CNTNAP5: variants seen among roughly 807,000 people sequenced by gnomAD.
The protein encoded by CNTNAP5 is contactin associated protein family member 5.
In CNTNAP5, 72 loss-of-function variants were observed where a neutral mutation model predicts 150.2. The ratio of observed to expected loss-of-function variants is 0.48; its 90% confidence interval spans 0.40 to 0.58. The LOEUF (loss-of-function observed/expected upper bound fraction) is 0.58. Among genes scored for constraint, CNTNAP5 ranks in the 20% least tolerant of loss-of-function variants. CNTNAP5 has a pLI of 0.00. For synonymous variants in CNTNAP5, 672 were observed against 619.8 expected, an observed-to-expected ratio of 1.08 and a Z score of -1.25; for missense variants, 1,636 against 1,626.2, an observed-to-expected ratio of 1.01 and a Z score of -0.10.
intron 11 of CNTNAP5, among the ~76,000 whole-genome samples, chr2:124,575,474 G>A (rs1696262306): frequency 6.6e-6 from 1 of 152,130 alleles, no homozygotes; most frequent in African/African-American, 2.4e-5. Context: ...GGCCCTGTAT[G>A]TGTCCACTTT....
chr2:124,655,897 C>A lies in CNTNAP5; in HGVS notation c.2077+7939C>A, dbSNP rs1213923269. Among the ~76,000 whole-genome samples the A allele has an allele frequency of 5.9e-5, 8 of 135,930 alleles. No homozygotes were observed. In the Admixed American group the frequency reaches 6.5e-4, roughly 11 times the overall value. The allele number at this position is 135,930 out of a possible 152,430, so 89.2% of individuals were successfully genotyped here. On this transcript the variant is annotated intron_variant, in intron 13 of 23. Coordinates refer to ENST00000682447, the MANE Select transcript of CNTNAP5 (RefSeq NM_001367498.1). ...GCCTCAACAACACGTGAGACCTCAA[C>A]TGGAAAGAAAAGAAAGAAAGACAGA...
Position 124,809,380 on chromosome 2 carries a change from G to GTATTTATT in CNTNAP5, c.3217+11097_3217+11104dup, listed in dbSNP as rs71387244. Among the ~76,000 whole-genome samples the GTATTTATT allele has an allele frequency of 6.0e-3, 876 of 145,000 alleles. 4 individuals carry two copies. The highest frequency in any genetic ancestry group is 8.8e-3 in the Admixed American group (128 of 14,466). ...TATAAACCCATAAAACAATAATATGGTATTTATTTATTTATTTATTTATTT... is the reference window on the plus strand; with the variant it reads ...TATAAACCCATAAAACAATAATATGGTATTTATTTATTTATTTATTTATTTATTTATTT... On this transcript the variant is annotated intron_variant, in intron 19 of 23. Coordinates refer to ENST00000682447, the MANE Select transcript of CNTNAP5 (RefSeq NM_001367498.1).
At position 124,268,936 on chromosome 2, in the gene CNTNAP5, C is replaced by T. The variant is rs1052866191; in HGVS notation, c.381+26543C>T. Among the ~76,000 whole-genome samples, 3 of 152,122 alleles carry T rather than the reference C, an allele frequency of 2.0e-5. No individual in the cohort carries two copies. In the East Asian group the frequency reaches 5.8e-4, roughly 29 times the overall value. ...GGTGGAAAGGCAGGGGGAGGGAAGGCTTCCAAGTTCGCTCATAGCCTGCCA... is the reference window on the plus strand; with the variant it reads ...GGTGGAAAGGCAGGGGGAGGGAAGGTTTCCAAGTTCGCTCATAGCCTGCCA... On this transcript the variant is annotated intron_variant, in intron 3 of 23. Transcript: ENST00000682447.
chr2:124,299,124 T>C (rs1362029409), intron 3 of CNTNAP5, among the ~76,000 whole-genome samples: 1 of 152,142 alleles, frequency 6.6e-6, no homozygotes, highest in African/African-American at 2.4e-5. Flanking sequence ...CCTGCTAGTA[T>C]ATGCTTCCCA....
intron 13 of CNTNAP5, among the ~76,000 whole-genome samples, chr2:124,698,111 T>TA (rs1000640838): frequency 1.0e-3 from 157 of 152,192 alleles, no homozygotes; most frequent in African/African-American, 3.5e-3. Context: ...AGAAAGATTA[T>TA]AAAAAGGGGT....
chr2:124,667,360 G>A (rs1164124374), intron 13 of CNTNAP5, among the ~76,000 whole-genome samples: 1 of 152,154 alleles, frequency 6.6e-6, no homozygotes, highest in Non-Finnish European at 1.5e-5. Flanking sequence ...TGACAACTCA[G>A]GTCTGTGCTA....
At chr2:124,320,383 G>T (rs988638876) in intron 3 of CNTNAP5, among the ~76,000 whole-genome samples, 1 of 152,142 alleles carries the variant, frequency 6.6e-6, no homozygotes, top group African/African-American at 2.4e-5. Context: ...ACTGTAATTT[G>T]CATTTCCCTG....
chr2:124,807,629 T>A (rs546296921), intron 19 of CNTNAP5, among the ~76,000 whole-genome samples: 1 of 152,292 alleles, frequency 6.6e-6, no homozygotes, highest in South Asian at 2.1e-4. Flanking sequence ...GGGCTGGAAA[T>A]CAAAGCCCAT....
intron 10 of CNTNAP5, among the ~76,000 whole-genome samples, chr2:124,543,278 G>A (rs1035897027): frequency 6.6e-6 from 1 of 151,238 alleles, no homozygotes; most frequent in Non-Finnish European, 1.5e-5. Flanking sequence ...GGAAGCATAG[G>A]AGCACATTAT....
intron 3 of CNTNAP5, among the ~76,000 whole-genome samples, chr2:124,245,222 C>A (rs1158287956): frequency 1.3e-5 from 2 of 152,124 alleles, no homozygotes; most frequent in African/African-American, 4.8e-5. Flanking sequence ...TGCTTGGACT[C>A]TCTAAAACCC....
At chr2:124,902,803 A>G in intron 21 of CNTNAP5, 79 bp from the exon 22 acceptor site, 2 of 907,274 alleles carry the variant, frequency 2.2e-6, no homozygotes, top group Non-Finnish European at 3.3e-6. Flanking sequence ...AATTTTAGAT[A>G]CTACTCAAAG....
intron 13 of CNTNAP5, among the ~76,000 whole-genome samples, chr2:124,663,517 C>T (rs1678635795): frequency 6.6e-6 from 1 of 152,008 alleles, no homozygotes; most frequent in African/African-American, 2.4e-5. Context: ...ACAATTTTTG[C>T]ATTAGAATTT....
intron 1 of CNTNAP5, among the ~76,000 whole-genome samples, chr2:124,184,102 C>T (rs1207187959): frequency 6.6e-6 from 1 of 151,846 alleles, no homozygotes; most frequent in Non-Finnish European, 1.5e-5. Flanking sequence ...CGAGGGAGGT[C>T]GAGGAGTTTT....
intron 10 of CNTNAP5, among the ~76,000 whole-genome samples, chr2:124,542,011 A>G (rs1695397830): frequency 6.6e-6 from 1 of 152,086 alleles, no homozygotes; most frequent in Non-Finnish European, 1.5e-5. Context: ...CAAAATAGCC[A>G]AGAATTATTC....
intron 3 of CNTNAP5, among the ~76,000 whole-genome samples, chr2:124,294,794 G>T (rs1426821202): frequency 6.6e-6 from 1 of 152,180 alleles, no homozygotes; most frequent in African/African-American, 2.4e-5. Flanking sequence ...ATATTACTCA[G>T]TATAATGCAT....
At chr2:124,629,091 A>G (rs1677791861) in intron 12 of CNTNAP5, among the ~76,000 whole-genome samples, 2 of 152,130 alleles carry the variant, frequency 1.3e-5, no homozygotes, top group Admixed American at 6.6e-5. Flanking sequence ...AGAGACTCAG[A>G]CCCCCACACA....
intron 10 of CNTNAP5, among the ~76,000 whole-genome samples, chr2:124,546,524 G>A (rs1026622152): frequency 2.6e-5 from 4 of 152,202 alleles, no homozygotes; most frequent in African/African-American, 9.6e-5. Flanking sequence ...TTGGAAATGC[G>A]GCCCTAGAGT....
intron 7 of CNTNAP5, among the ~76,000 whole-genome samples, chr2:124,476,295 A>C (rs1450788560): frequency 6.6e-6 from 1 of 152,194 alleles, no homozygotes; most frequent in Non-Finnish European, 1.5e-5. Flanking sequence ...AAGGAGAAGG[A>C]TAGTTTGTTG....
chr2:124,739,389 C>T (rs1318248259), intron 13 of CNTNAP5, among the ~76,000 whole-genome samples: 2 of 152,058 alleles, frequency 1.3e-5, no homozygotes, highest in South Asian at 2.1e-4. Flanking sequence ...TTCTCAGAAA[C>T]GGTATTCTAT....
Sources: gnomAD v4.1 joint callset for allele counts (sites outside exome capture counted in the v4.1 genomes callset) on GRCh38, gnomAD v4.1.1 for gene constraint, MANE v1.5 for transcripts, NCBI Gene and HGNC (gene_info 2026-07-23, HGNC 2026-07-21) for gene names.